TBC1D1: variants seen among roughly 807,000 people sequenced by gnomAD.
TBC1D1 encodes TBC1 (tre-2/USP6, BUB2, cdc16) domain family, member 1.
A neutral mutation model predicts 125.6 loss-of-function variants in TBC1D1; 89 were observed. The observed-to-expected ratio is 0.71, with a 90% CI of 0.60 to 0.85. TBC1D1 has a LOEUF of 0.85. Among genes scored for constraint, TBC1D1 ranks in the 40% least tolerant of loss-of-function variants. TBC1D1 has a pLI of 0.00. For synonymous variants in TBC1D1, 565 were observed against 564.1 expected, an observed-to-expected ratio of 1.00 and a Z score of -0.02; for missense variants, 1,377 against 1,469.2, an observed-to-expected ratio of 0.94 and a Z score of 1.03.
chr4:38,022,616 G>A (rs755762690), intron 6 of TBC1D1, among the ~76,000 whole-genome samples: 26 of 152,340 alleles, frequency 1.7e-4, no homozygotes, highest in African/African-American at 5.3e-4. Context: ...GAATGAATCC[G>A]AATGGAATGG....
chr4:37,982,097 A>T (rs1363485386), intron 2 of TBC1D1, among the ~76,000 whole-genome samples: 1 of 152,188 alleles, frequency 6.6e-6, no homozygotes, highest in African/African-American at 2.4e-5. Context: ...CACAGCTTCC[A>T]TGCAAAGTTC....
chr4:38,070,716 T>C (rs10032187), intron 12 of TBC1D1, among the ~76,000 whole-genome samples: 6,562 of 152,266 alleles, frequency 0.043, 461 homozygotes, highest in African/African-American at 0.15. Flanking sequence ...AAAGAGAGCA[T>C]TGATATTCTA....
At chr4:38,062,155 A>G (rs1752883171) in intron 12 of TBC1D1, among the ~76,000 whole-genome samples, 1 of 151,862 alleles carries the variant, frequency 6.6e-6, no homozygotes. Context: ...GAGAGGGTTG[A>G]CCTCAATTCG....
chr4:38,052,042 G>A, intron 11 of TBC1D1: 1 of 1,551,090 alleles, frequency 6.4e-7, no homozygotes, highest in Non-Finnish European at 8.7e-7. Flanking sequence ...GAACAAAGTG[G>A]GAATGCTGTG....
intron 17 of TBC1D1, among the ~76,000 whole-genome samples, chr4:38,120,587 C>G (rs1446681168): frequency 1.3e-5 from 2 of 152,198 alleles, no homozygotes; most frequent in Admixed American, 6.5e-5. Flanking sequence ...GTTTGCACCA[C>G]CTTAGCTCAT....
chr4:38,096,783 T>C (rs962880524), intron 14 of TBC1D1, among the ~76,000 whole-genome samples: 13 of 152,248 alleles, frequency 8.5e-5, no homozygotes, highest in Non-Finnish European at 1.9e-4. Context: ...TGTGGACTTA[T>C]ATTTTGTCCA....
intron 2 of TBC1D1, among the ~76,000 whole-genome samples, chr4:37,912,440 G>A (rs1718822214): frequency 6.6e-6 from 1 of 152,290 alleles, no homozygotes; most frequent in South Asian, 2.1e-4. Flanking sequence ...TTTACAACTT[G>A]CATGGTCAGA....
intron 7 of TBC1D1, among the ~76,000 whole-genome samples, chr4:38,033,825 G>A (rs1374151102): frequency 6.6e-6 from 1 of 152,142 alleles, no homozygotes; most frequent in African/African-American, 2.4e-5. Flanking sequence ...CTTTTGCTTA[G>A]CAATATGCAC....
intron 12 of TBC1D1, among the ~76,000 whole-genome samples, chr4:38,089,416 C>T (rs1758063740): frequency 6.6e-6 from 1 of 152,222 alleles, no homozygotes; most frequent in Non-Finnish European, 1.5e-5. Flanking sequence ...CACATGAAAG[C>T]CAGACTGTTG....
chr4:37,900,130 AG>A (rs1246411721), intron 1 of TBC1D1, among the ~76,000 whole-genome samples: 4,539 of 143,530 alleles, frequency 0.032, 228 homozygotes, highest in African/African-American at 0.12. Context: ...CAAAAAAAAA[AG>A]AAAAAAAAAA....
intron 18 of TBC1D1, among the ~76,000 whole-genome samples, chr4:38,125,621 C>G (rs547782844): frequency 2.6e-5 from 4 of 151,832 alleles, no homozygotes; most frequent in African/African-American, 9.7e-5. Flanking sequence ...TTTTTTTTAA[C>G]TGAATTCAGT....
intron 13 of TBC1D1, among the ~76,000 whole-genome samples, chr4:38,095,391 G>A (rs1759152705): frequency 6.6e-6 from 1 of 152,198 alleles, no homozygotes; most frequent in Non-Finnish European, 1.5e-5. Flanking sequence ...GGAAACAGTA[G>A]CTCTCTTCAT....
intron 1 of TBC1D1, among the ~76,000 whole-genome samples, chr4:37,899,851 T>C (rs900311079): frequency 6.6e-6 from 1 of 151,422 alleles, no homozygotes; most frequent in Admixed American, 6.6e-5. Context: ...CCGGGCGCGG[T>C]GGCTCAAGCC....
intron 2 of TBC1D1, among the ~76,000 whole-genome samples, chr4:37,919,209 C>A (rs1720389906): frequency 6.6e-6 from 1 of 152,056 alleles, no homozygotes; most frequent in Non-Finnish European, 1.5e-5. Context: ...ACTGTGTCCC[C>A]CAGTCTGAAG....
In TBC1D1 at chr4:38,062,268, GT is replaced by G. The variant is rs562627652; in HGVS notation, c.2050+7943del. Reference sequence around the variant, plus strand: ...TTTCCAATCCCGGAAAAGTGTGCTTGTTTTTTTTTTTTTCCCTGCGTGTTTT... The same window carrying G: ...TTTCCAATCCCGGAAAAGTGTGCTTGTTTTTTTTTTTTCCCTGCGTGTTTT... On this transcript the variant is annotated intron_variant, in intron 12 of 19. Transcript: ENST00000261439. Among the ~76,000 whole-genome samples, 235 of 141,332 alleles carry G rather than the reference GT, an allele frequency of 1.7e-3. 1 individual carries two copies. The highest frequency in any genetic ancestry group is 3.6e-3 in the African/African-American group (140 of 38,680). 92.7% of individuals were successfully genotyped at this position (141,332 alleles called of 152,430 possible).
chr4:37,905,262 C>A (rs184171085), intron 2 of TBC1D1, among the ~76,000 whole-genome samples: 1 of 152,138 alleles, frequency 6.6e-6, no homozygotes, highest in Admixed American at 6.5e-5. Context: ...TATACATAAG[C>A]TTTATTTCTC....
chr4:37,925,424 T>C (rs1381591143), intron 2 of TBC1D1, among the ~76,000 whole-genome samples: 1 of 152,108 alleles, frequency 6.6e-6, no homozygotes, highest in Admixed American at 6.6e-5. Context: ...CTTCTGATTA[T>C]AAAAATGATA....
chr4:38,087,993 C>T (rs1233389162), intron 12 of TBC1D1, among the ~76,000 whole-genome samples: 2 of 150,282 alleles, frequency 1.3e-5, no homozygotes, highest in East Asian at 3.9e-4. Flanking sequence ...ACACTGCCCT[C>T]GCTATCAGGA....
chr4:37,917,255 C>T (rs1336752887), intron 2 of TBC1D1, among the ~76,000 whole-genome samples: 1 of 151,330 alleles, frequency 6.6e-6, no homozygotes, highest in African/African-American at 2.4e-5. Context: ...AGGTGGATCA[C>T]GTGAGGTCAG....
Sources: gnomAD v4.1 joint callset for allele counts (sites outside exome capture counted in the v4.1 genomes callset) on GRCh38, gnomAD v4.1.1 for gene constraint, MANE v1.5 for transcripts, NCBI Gene and HGNC (gene_info 2026-07-23, HGNC 2026-07-21) for gene names.